Variants in LBH observed in about 807,000 individuals in gnomAD.
The protein encoded by LBH is LBH regulator of Wnt signaling pathway, also known as protein LBH.
A neutral mutation model predicts 12.5 loss-of-function variants in LBH; 7 were observed. The ratio of observed to expected loss-of-function variants is 0.56; its 90% confidence interval spans 0.32 to 1.05. LBH has a LOEUF of 1.05. LBH is among the 50% of genes least tolerant of loss of function. The pLI is 0.04. For synonymous variants in LBH, 51 were observed against 50.1 expected (o/e 1.02, Z -0.08); for missense variants, 119 against 138.9 (o/e 0.86, Z 0.72).
chr2:30,257,890 A>G lies in LBH; in HGVS notation c.*269A>G, dbSNP rs13386353. ...CTTAGAGCCAGGGGGTTAGTGGGTG[A>G]GGGGAGCGAGTGCTGTTTTTGAGAT... On this transcript the variant is annotated 3_prime_UTR_variant, in exon 3 of 3. Coordinates refer to ENST00000395323, the MANE Select transcript of LBH (RefSeq NM_030915.4). 44,775 of 282,700 alleles carry G rather than the reference A, an allele frequency of 0.16. 4,399 individuals are homozygous for G. The highest frequency in any genetic ancestry group is 0.27 in the Admixed American group (5,342 of 19,634). The allele number at this position is 282,700 out of a possible 1,614,324, so 17.5% of individuals were successfully genotyped here. A position where few individuals can be genotyped will look rare whatever the true frequency, so the allele number is the denominator to read the frequency against.
At chr2:30,255,975 A>G (rs1375641026) in intron 2 of LBH, among the ~76,000 whole-genome samples, 3 of 152,098 alleles carry the variant, frequency 2.0e-5, no homozygotes, top group Non-Finnish European at 2.9e-5. Flanking sequence ...TCATCTACCA[A>G]ATGGAGAGGT....
chr2:30,234,860 C>A (rs1438277260), intron 2 of LBH, among the ~76,000 whole-genome samples: 1 of 152,128 alleles, frequency 6.6e-6, no homozygotes, highest in Non-Finnish European at 1.5e-5. Context: ...TTTGTTTAGT[C>A]GATTGAGACC....
intron 2 of LBH, among the ~76,000 whole-genome samples, chr2:30,248,006 C>T (rs1292633235): frequency 2.0e-5 from 3 of 152,218 alleles, no homozygotes; most frequent in Non-Finnish European, 4.4e-5. Context: ...GAGGCTCCCT[C>T]ACTGAAAGGA....
At chr2:30,255,772 G>C (rs1678074058) in intron 2 of LBH, among the ~76,000 whole-genome samples, 1 of 152,192 alleles carries the variant, frequency 6.6e-6, no homozygotes, top group South Asian at 2.1e-4. Context: ...TCTATGTCCT[G>C]GTAATGGGTG....
chr2:30,253,092 C>T (rs545053418), intron 2 of LBH, among the ~76,000 whole-genome samples: 2 of 152,304 alleles, frequency 1.3e-5, no homozygotes, highest in African/African-American at 4.8e-5. Flanking sequence ...CCTGGCCTGC[C>T]GCCTCAACCC....
chr2:30,234,453 C>T lies in LBH; in HGVS notation c.75C>T (p.Thr25=). 6.2e-7 allele frequency: 1 copy of T among 1,614,116 alleles called. No homozygotes were observed. The highest frequency in any genetic ancestry group is 8.5e-7 in the Non-Finnish European group (1 of 1,179,980). ...AGATGACTGAGGTGATGATGAACAC[C>T]CAGCCCATGGAGGAGATCGGCCTCA... ...SAKMTEVMMN[T]QPMEEIGLSP... is the part of the protein sequence containing the mutation. The change falls in exon 2 of 3, where the codon ACC becomes ACT. Residue 25 remains threonine (T), a synonymous_variant. Coordinates refer to ENST00000395323, the MANE Select transcript of LBH (RefSeq NM_030915.4).
intron 1 of LBH, among the ~76,000 whole-genome samples, chr2:30,233,711 A>G (rs1464399744): frequency 6.6e-6 from 1 of 152,230 alleles, no homozygotes; most frequent in Non-Finnish European, 1.5e-5. Flanking sequence ...TTTCCTTTGC[A>G]GTCAGAGTCG....
At chr2:30,242,637 A>T (rs1677809958) in intron 2 of LBH, among the ~76,000 whole-genome samples, 1 of 152,232 alleles carries the variant, frequency 6.6e-6, no homozygotes, top group South Asian at 2.1e-4. Context: ...ACATTTTGGT[A>T]TGTTTACTTT....
Position 30,257,873 on chromosome 2 carries a change from C to T in LBH, c.*252C>T. ...TCTGAGAAAGGAAGCTGCTTAGAGC[C>T]AGGGGGTTAGTGGGTGAGGGGAGCG... On this transcript the variant is annotated 3_prime_UTR_variant, in exon 3 of 3. Coordinates refer to ENST00000395323, the MANE Select transcript of LBH (RefSeq NM_030915.4). 1 of 342,164 alleles carries T rather than the reference C, an allele frequency of 2.9e-6. No individual in the cohort carries two copies. Among genetic ancestry groups the T allele is most frequent in the Non-Finnish European group, 5.3e-6 (1 of 189,468 alleles). The allele number at this position is 342,164 out of a possible 1,614,324, so 21.2% of individuals were successfully genotyped here.
chr2:30,257,725 A>C lies in LBH; in HGVS notation c.*104A>C. 2 of 829,458 alleles carry C rather than the reference A, an allele frequency of 2.4e-6. No homozygotes were observed. Among genetic ancestry groups the C allele is most frequent in the Non-Finnish European group, 3.6e-6 (2 of 559,898 alleles). 51.4% of individuals were successfully genotyped at this position (829,458 alleles called of 1,614,324 possible). On this transcript the variant is annotated 3_prime_UTR_variant, in exon 3 of 3. Transcript: ENST00000395323. ...AGAGTGAGCCGCAATTGTTCTGAAA[A>C]TGTCAAACGAGGCTTCTGTTTTGCA...
At chr2:30,249,579 G>A (rs573583280) in intron 2 of LBH, among the ~76,000 whole-genome samples, 6 of 152,274 alleles carry the variant, frequency 3.9e-5, no homozygotes, top group African/African-American at 7.2e-5. Context: ...TCATTCCCCC[G>A]GTCCTAACCC....
chr2:30,252,880 C>T (rs1678010001), intron 2 of LBH, among the ~76,000 whole-genome samples: 3 of 152,196 alleles, frequency 2.0e-5, no homozygotes, highest in Admixed American at 2.0e-4. Context: ...TCTTCTAGAC[C>T]TGCCCTACCC....
chr2:30,235,447 G>A (rs1031522427), intron 2 of LBH, among the ~76,000 whole-genome samples: 2 of 152,086 alleles, frequency 1.3e-5, no homozygotes, highest in African/African-American at 2.4e-5. Context: ...CCCACTGCAC[G>A]CCAAGCACTC....
chr2:30,232,239 G>A (rs765489659), intron 1 of LBH: 6 of 747,578 alleles, frequency 8.0e-6, no homozygotes, highest in Non-Finnish European at 1.3e-5. Flanking sequence ...GCTCCGGGGG[G>A]GTGGGGGGCG....
rs553780203 is a variant in LBH at position 30,234,478 on chromosome 2, A to G, written c.100A>G (p.Ser34Gly). ...CCAGCCCATGGAGGAGATCGGCCTC[A>G]GCCCCCGCAAGGATGGCCTTTCCTA... ...NTQPMEEIGL[S>G]PRKDGLSYQI... Residue 34 changes from serine (S) to glycine (G), a missense_variant, in exon 2 of 3, where the codon AGC becomes GGC. Transcript: ENST00000395323. 8 of 1,614,030 alleles carry G rather than the reference A, an allele frequency of 5.0e-6. No homozygotes were observed. The East Asian group carries it at 1.8e-4, about 36-fold the overall frequency.
chr2:30,257,506 C>T lies in LBH; in HGVS notation c.203C>T (p.Pro68Leu). The change falls in exon 3 of 3, where the codon CCC becomes CTC. Residue 68 changes from proline to leucine, a missense_variant. Coordinates refer to ENST00000395323, the MANE Select transcript of LBH (RefSeq NM_030915.4). The stretch of plus-strand genomic sequence containing the variant: ...CGTCTGCCCTCCATAGTGGTGGAAC[C>T]CACAGAAGGGGAGGTGGAGAGCGGG... The part of the protein sequence containing the change: ...KDRLPSIVVE[P>L]TEGEVESGEL... 6.2e-7 allele frequency: 1 copy of T among 1,614,242 alleles called. No individual in the cohort carries two copies. The highest frequency in any genetic ancestry group is 8.5e-7 in the Non-Finnish European group (1 of 1,180,042).
chr2:30,234,370 GT>G, intron 1 of LBH, 34 bp from the exon 2 acceptor site: 1 of 1,512,584 alleles, frequency 6.6e-7, no homozygotes, highest in Non-Finnish European at 9.2e-7. Flanking sequence ...GAAAGCGCGT[GT>G]GTTTGTTGAC....
intron 2 of LBH, among the ~76,000 whole-genome samples, chr2:30,250,679 T>A (rs146155059): frequency 6.6e-6 from 1 of 152,162 alleles, no homozygotes; most frequent in African/African-American, 2.4e-5. Flanking sequence ...TTTGAAGCCC[T>A]GGTGTTGCCT....
At chr2:30,241,316 G>A (rs1422886126) in intron 2 of LBH, among the ~76,000 whole-genome samples, 1 of 152,004 alleles carries the variant, frequency 6.6e-6, no homozygotes, top group African/African-American at 2.4e-5. Context: ...TTAATTATAG[G>A]AAGTTTTTCC....
Sources: allele counts gnomAD v4.1 joint callset (sites outside exome capture counted in the v4.1 genomes callset), GRCh38; gene constraint gnomAD v4.1.1; transcripts MANE v1.5; gene names NCBI Gene and HGNC (gene_info 2026-07-23, HGNC 2026-07-21).